Variants in KCNIP4 observed in about 807,000 individuals in gnomAD.
The protein encoded by KCNIP4 is Kv channel-interacting protein 4.
Under a neutral mutation model 34.0 loss-of-function variants are expected in KCNIP4, and 12 were observed. The ratio of observed to expected loss-of-function variants is 0.35; its 90% CI spans 0.23 to 0.57. KCNIP4 has a LOEUF of 0.57. KCNIP4 is among the 20% of genes least tolerant of loss of function. The pLI, the probability that KCNIP4 is intolerant of heterozygous loss-of-function variation, is 0.83. For missense variants in KCNIP4, 238 were observed against 311.7 expected (o/e 0.76, Z 1.78); for synonymous variants, 124 against 102.2 (o/e 1.21, Z -1.29).
chr4:21,445,682 C>T (rs2109723596), intron 1 of KCNIP4, among the ~76,000 whole-genome samples: 1 of 152,232 alleles, frequency 6.6e-6, no homozygotes, highest in East Asian at 1.9e-4. Context: ...TAGAAGAAAA[C>T]CTAGGCAATA....
In KCNIP4 at chr4:20,731,224, C is replaced by T. The variant is rs898439065; in HGVS notation, c.705+782G>A. 1.5e-4 allele frequency: 29 copies of T among 192,566 alleles called. No individual in the cohort carries two copies. In the Admixed American group the frequency reaches 1.7e-3, roughly 11 times the overall value. 11.9% of individuals were successfully genotyped at this position (192,566 alleles called of 1,614,324 possible). On this transcript the variant is annotated intron_variant, in intron 8 of 8. Coordinates refer to ENST00000382152, the MANE Select transcript of KCNIP4 (RefSeq NM_025221.6). ...AGCTGAGACTTCAGCCACGTGCCAC[C>T]GTGCCCAGCTAACTTAATTTTTTTT...
intron 1 of KCNIP4, among the ~76,000 whole-genome samples, chr4:21,732,824 T>C (rs1354832808): frequency 6.6e-6 from 1 of 152,184 alleles, no homozygotes; most frequent in Non-Finnish European, 1.5e-5. Context: ...GTCCAAATCA[T>C]ATAAAGGTAA....
At chr4:21,726,736 G>T (rs1408901949) in intron 1 of KCNIP4, among the ~76,000 whole-genome samples, 2 of 152,152 alleles carry the variant, frequency 1.3e-5, no homozygotes, top group Non-Finnish European at 2.9e-5. Context: ...TTTGCTCACT[G>T]AGAAAATATC....
At chr4:20,918,496 AT>A in intron 1 of KCNIP4, among the ~76,000 whole-genome samples, 1 of 152,056 alleles carries the variant, frequency 6.6e-6, no homozygotes, top group African/African-American at 2.4e-5. Context: ...TTTTCATTTT[AT>A]TTCCTCTGAG....
At chr4:20,739,697 C>T (rs552294795) in intron 5 of KCNIP4, among the ~76,000 whole-genome samples, 3 of 152,266 alleles carry the variant, frequency 2.0e-5, no homozygotes, top group South Asian at 2.1e-4. Flanking sequence ...TCCAAAGGAA[C>T]GCACCTCCTC....
chr4:21,113,276 G>A (rs1430044425), intron 1 of KCNIP4, among the ~76,000 whole-genome samples: 1 of 152,044 alleles, frequency 6.6e-6, no homozygotes, highest in Non-Finnish European at 1.5e-5. Flanking sequence ...CATCAAATTG[G>A]ATTTCACACA....
intron 1 of KCNIP4, among the ~76,000 whole-genome samples, chr4:21,470,377 A>G (rs1279991489): frequency 2.0e-5 from 3 of 152,176 alleles, no homozygotes; most frequent in African/African-American, 7.2e-5. Flanking sequence ...AGAAAATGCA[A>G]TATAGAATAT....
intron 1 of KCNIP4, among the ~76,000 whole-genome samples, chr4:21,868,499 C>T (rs1277443456): frequency 6.6e-6 from 1 of 152,180 alleles, no homozygotes; most frequent in African/African-American, 2.4e-5. Flanking sequence ...AAAGACCTAA[C>T]TTCTACACCT....
At chr4:21,072,471 C>T (rs1745044768) in intron 1 of KCNIP4, among the ~76,000 whole-genome samples, 1 of 151,484 alleles carries the variant, frequency 6.6e-6, no homozygotes. Flanking sequence ...ATATCCTTCA[C>T]CCTCTTTTTG....
intron 1 of KCNIP4, among the ~76,000 whole-genome samples, chr4:21,854,761 T>C (rs1262941635): frequency 6.6e-6 from 1 of 152,220 alleles, no homozygotes; most frequent in South Asian, 2.1e-4. Flanking sequence ...GGCCCTTCTT[T>C]CCAACAACTG....
intron 3 of KCNIP4, among the ~76,000 whole-genome samples, chr4:20,765,004 T>G (rs915586876): frequency 3.9e-5 from 6 of 152,176 alleles, no homozygotes; most frequent in African/African-American, 1.4e-4. Context: ...GACAATGAGC[T>G]TGGAGAGATG....
At chr4:20,882,291 C>T (rs74411737) in intron 2 of KCNIP4, among the ~76,000 whole-genome samples, 2 of 152,168 alleles carry the variant, frequency 1.3e-5, no homozygotes, top group Non-Finnish European at 2.9e-5. Context: ...AAGTGTCCAG[C>T]TGCTCTGCTA....
intron 2 of KCNIP4, among the ~76,000 whole-genome samples, chr4:20,877,624 C>G (rs1359402294): frequency 2.0e-5 from 3 of 152,142 alleles, no homozygotes; most frequent in African/African-American, 7.2e-5. Flanking sequence ...TTATAATATG[C>G]TGTAAATCAC....
At position 21,240,230 on chromosome 4, in the gene KCNIP4, G is replaced by T. The variant is rs1039068921; in HGVS notation, c.62-357521C>A. Among the ~76,000 whole-genome samples the T allele has an allele frequency of 7.4e-3, 728 of 98,490 alleles. 5 individuals are homozygous for T. The highest frequency in any genetic ancestry group is 0.071 in the Middle Eastern group (8 of 112). The allele number at this position is 98,490 out of a possible 152,430, so 64.6% of individuals were successfully genotyped here. On this transcript the variant is annotated intron_variant, in intron 1 of 8. Transcript: ENST00000382152. Reference sequence around the variant, plus strand: ...CACACACTGGGGACTGTTGTGGGGTGGGGGGAGGGGGGAGGGATAGCATTA... The same window carrying T: ...CACACACTGGGGACTGTTGTGGGGTTGGGGGAGGGGGGAGGGATAGCATTA...
chr4:21,160,418 G>A (rs2109273883), intron 1 of KCNIP4, among the ~76,000 whole-genome samples: 1 of 1,736 alleles, frequency 5.8e-4, no homozygotes, highest in East Asian at 8.5e-3. Flanking sequence ...ATTTTGATGA[G>A]CTGAGAGAAG....
At chr4:21,380,576 G>A (rs1287439089) in intron 1 of KCNIP4, among the ~76,000 whole-genome samples, 1 of 151,704 alleles carries the variant, frequency 6.6e-6, no homozygotes, top group African/African-American at 2.4e-5. Context: ...AGTTATTGAT[G>A]GTTTGACTTT....
At position 20,786,539 on chromosome 4, in the gene KCNIP4, C is replaced by T. The variant is rs187923497; in HGVS notation, c.289-27649G>A. On this transcript the variant is annotated intron_variant, in intron 3 of 8. Coordinates refer to ENST00000382152, the MANE Select transcript of KCNIP4 (RefSeq NM_025221.6). Reference sequence around the variant, plus strand: ...TATTTTTCCATATTTCTATAATGAGCATAGTGTTGTAGTTAGCAATAGATG... The same window carrying T: ...TATTTTTCCATATTTCTATAATGAGTATAGTGTTGTAGTTAGCAATAGATG... Among the ~76,000 whole-genome samples, 4 of 152,204 alleles carry T rather than the reference C, an allele frequency of 2.6e-5. No homozygotes were observed. The East Asian group carries it at 7.7e-4, about 29-fold the overall frequency.
At chr4:21,281,542 T>A (rs1436606720) in intron 1 of KCNIP4, among the ~76,000 whole-genome samples, 1 of 152,200 alleles carries the variant, frequency 6.6e-6, no homozygotes, top group East Asian at 1.9e-4. Flanking sequence ...TGAACTCCAG[T>A]AAACTCTGTT....
intron 1 of KCNIP4, among the ~76,000 whole-genome samples, chr4:21,225,813 T>A (rs187261245): frequency 2.7e-4 from 41 of 152,232 alleles, no homozygotes; most frequent in African/African-American, 8.9e-4. Flanking sequence ...AAAAGCAGTA[T>A]TTAGTTGGAG....
Sources: allele counts gnomAD v4.1 joint callset (sites outside exome capture counted in the v4.1 genomes callset), GRCh38; gene constraint gnomAD v4.1.1; transcripts MANE v1.5; gene names NCBI Gene and HGNC (gene_info 2026-07-23, HGNC 2026-07-21).